The following RASAL2 variants were observed in gnomAD, a reference collection of about 807,000 sequenced individuals.
RASAL2 encodes RAS protein activator like 2.
Under a neutral mutation model 128.9 loss-of-function variants are expected in RASAL2, and 58 were observed. The observed-to-expected ratio is 0.45, with a 90% CI of 0.36 to 0.56. The LOEUF (loss-of-function observed/expected upper bound fraction) is 0.56, where lower values mean the gene tolerates loss of function less well. RASAL2 is among the 20% of genes least tolerant of loss of function. RASAL2 has a pLI of 0.00. For missense variants in RASAL2, 1,360 were observed against 1,601.6 expected, an observed-to-expected ratio of 0.85 and a Z score of 2.57; for synonymous variants, 561 against 580.8, an observed-to-expected ratio of 0.97 and a Z score of 0.49.
At chr1:178,341,502 A>T (rs1195521180) in intron 3 of RASAL2, 3 of 1,590,432 alleles carry the variant, frequency 1.9e-6, no homozygotes, top group African/African-American at 2.7e-5. Context: ...GAGAGCAGGA[A>T]AGCGAGCACA....
chr1:178,132,647 C>G (rs1660163180), intron 1 of RASAL2, among the ~76,000 whole-genome samples: 1 of 151,972 alleles, frequency 6.6e-6, no homozygotes, highest in African/African-American at 2.4e-5. Context: ...GGGTATTTAA[C>G]TTGGAGGTAG....
At chr1:178,167,604 C>T (rs892394088) in intron 1 of RASAL2, among the ~76,000 whole-genome samples, 3 of 152,082 alleles carry the variant, frequency 2.0e-5, no homozygotes, top group Admixed American at 6.6e-5. Context: ...CAAAACTTAA[C>T]TACTAATAGC....
At chr1:178,334,925 A>G (rs1557909951) in intron 3 of RASAL2, among the ~76,000 whole-genome samples, 1 of 152,104 alleles carries the variant, frequency 6.6e-6, no homozygotes, top group East Asian at 1.9e-4. Context: ...CCACTGCACT[A>G]CAGTGTGGTG....
chr1:178,172,672 A>C (rs188932239), intron 1 of RASAL2, among the ~76,000 whole-genome samples: 13 of 152,212 alleles, frequency 8.5e-5, no homozygotes, highest in Admixed American at 1.3e-4. Flanking sequence ...GAATAAAATA[A>C]TTTGTATTTC....
intron 3 of RASAL2, among the ~76,000 whole-genome samples, chr1:178,305,994 C>A (rs1371616855): frequency 5.3e-5 from 8 of 152,156 alleles, no homozygotes; most frequent in Non-Finnish European, 1.0e-4. Flanking sequence ...GAAGGGAGTG[C>A]TTAAGCACAG....
At chr1:178,213,378 G>A (rs371832145) in intron 1 of RASAL2, among the ~76,000 whole-genome samples, 57 of 152,026 alleles carry the variant, frequency 3.7e-4, no homozygotes, top group African/African-American at 1.3e-3. Flanking sequence ...CCTACCTTAC[G>A]ACCAGCAACT....
intron 1 of RASAL2, among the ~76,000 whole-genome samples, chr1:178,137,263 A>T (rs370757476): frequency 6.6e-6 from 1 of 152,162 alleles, no homozygotes; most frequent in African/African-American, 2.4e-5. Context: ...ATGTAGATCT[A>T]TGATTCTTCT....
intron 1 of RASAL2, among the ~76,000 whole-genome samples, chr1:178,168,619 A>G (rs1051101753): frequency 1.3e-5 from 2 of 152,050 alleles, no homozygotes; most frequent in Admixed American, 1.3e-4. Flanking sequence ...GAATCTCAAC[A>G]ATAGCACTGC....
intron 5 of RASAL2, among the ~76,000 whole-genome samples, chr1:178,422,413 G>C (rs75810598): frequency 0.045 from 6,898 of 152,080 alleles, 527 homozygotes; most frequent in African/African-American, 0.15. Flanking sequence ...CAATAAAAAA[G>C]TGCTAGTAAA....
chr1:178,321,252 T>A (rs944792308), intron 3 of RASAL2, among the ~76,000 whole-genome samples: 1 of 151,974 alleles, frequency 6.6e-6, no homozygotes, highest in South Asian at 2.1e-4. Context: ...CATGGCTAAT[T>A]TTTGTATTTT....
At chr1:178,282,366 G>GT (rs1666826173) in intron 1 of RASAL2, among the ~76,000 whole-genome samples, 1 of 152,140 alleles carries the variant, frequency 6.6e-6, no homozygotes, top group South Asian at 2.1e-4. Flanking sequence ...GACCTACGTA[G>GT]TTCTATGAAG....
intron 1 of RASAL2, among the ~76,000 whole-genome samples, chr1:178,109,451 C>G (rs1217055398): frequency 6.6e-6 from 1 of 152,076 alleles, no homozygotes; most frequent in Non-Finnish European, 1.5e-5. Flanking sequence ...TCCTAGTGAG[C>G]CTAGTTCTCT....
At chr1:178,198,842 C>G (rs1558109726) in intron 1 of RASAL2, among the ~76,000 whole-genome samples, 1 of 152,174 alleles carries the variant, frequency 6.6e-6, no homozygotes, top group Non-Finnish European at 1.5e-5. Flanking sequence ...AACTACTGCT[C>G]TCTTCAGAGC....
In RASAL2 at chr1:178,473,179, C is replaced by T; in HGVS notation, c.3783C>T (p.Pro1261=). Residue 1261 remains proline (P), a synonymous_variant, in exon 18 of 18, where the codon CCC becomes CCT. Transcript: ENST00000367649. The part of the protein sequence containing the change: ...YSMQVRNGIS[P]TNPTKLSITE... The stretch of plus-strand genomic sequence containing the variant: ...TGCAGGTCCGCAATGGCATCTCCCC[C>T]ACCAACCCCACCAAGCTTTCCATCA... The T allele has an allele frequency of 6.2e-7, 1 of 1,614,188 alleles. No homozygotes were observed. The highest frequency in any genetic ancestry group is 8.5e-7 in the Non-Finnish European group (1 of 1,180,038).
At chr1:178,454,407 T>C in intron 11 of RASAL2, 40 bp from the exon 12 acceptor site, 3 of 1,492,908 alleles carry the variant, frequency 2.0e-6, no homozygotes, top group Non-Finnish European at 2.8e-6. Flanking sequence ...CATATCTCTC[T>C]TGAATATGTT....
chr1:178,318,861 G>A (rs187335344), intron 3 of RASAL2, among the ~76,000 whole-genome samples: 13 of 151,490 alleles, frequency 8.6e-5, no homozygotes, highest in South Asian at 4.3e-4. Context: ...GATTTTGCTC[G>A]TTAGTTGATG....
At chr1:178,389,913 G>T (rs1408908829) in intron 3 of RASAL2, among the ~76,000 whole-genome samples, 187 bp from the exon 4 acceptor site, 1 of 152,154 alleles carries the variant, frequency 6.6e-6, no homozygotes, top group Non-Finnish European at 1.5e-5. Context: ...ATTCTTAACT[G>T]TGACCAAGTC....
At chr1:178,288,980 G>T (rs994702498) in intron 2 of RASAL2, among the ~76,000 whole-genome samples, 7 of 152,010 alleles carry the variant, frequency 4.6e-5, no homozygotes, top group African/African-American at 1.7e-4. Flanking sequence ...AACAAAGCCT[G>T]TATTAACCTC....
intron 1 of RASAL2, among the ~76,000 whole-genome samples, chr1:178,247,428 C>G (rs1664817680): frequency 6.6e-6 from 1 of 151,726 alleles, no homozygotes; most frequent in Non-Finnish European, 1.5e-5. Context: ...ATGATATCCC[C>G]TTTATGATTT....
Sources: allele counts gnomAD v4.1 joint callset (sites outside exome capture counted in the v4.1 genomes callset), GRCh38; gene constraint gnomAD v4.1.1; transcripts MANE v1.5; gene names NCBI Gene and HGNC (gene_info 2026-07-23, HGNC 2026-07-21).